The following SPG7 variants were observed in gnomAD, a reference collection of about 807,000 sequenced individuals.
The protein encoded by SPG7 is mitochondrial inner membrane m-AAA protease component paraplegin.
A neutral mutation model predicts 81.9 loss-of-function variants in SPG7; 103 were observed. The ratio of observed to expected loss-of-function variants is 1.26; its 90% CI spans 1.07 to 1.48. SPG7 has a LOEUF of 1.48. Among genes scored for constraint, SPG7 ranks in the 40% most tolerant of loss-of-function variants. SPG7 has a pLI of 0.00. For missense variants in SPG7, 1,241 were observed against 1,087.3 expected (o/e 1.14, Z -1.99); for synonymous variants, 534 against 444.2 (o/e 1.20, Z -2.54).
chr16:89,554,922 CTTTTTTTTTTT>C (rs1278105409), intron 16 of SPG7: 4 of 228,302 alleles, frequency 1.8e-5, no homozygotes, highest in Non-Finnish European at 3.5e-5. Context: ...ATTTTTTTTT[CTTTTTTTTTTT>C]GAGACAAAGT....
chr16:89,529,565 G>A lies in SPG7; in HGVS notation c.847G>A (p.Gly283Arg), dbSNP rs2058313221. The A allele has an allele frequency of 6.2e-7, 1 of 1,612,656 alleles. No homozygotes were observed. Among genetic ancestry groups the A allele is most frequent in the Non-Finnish European group, 8.5e-7 (1 of 1,178,706 alleles). The change falls in exon 6 of 17, where the codon GGA (glycine) becomes AGA (arginine). Residue 283 changes from glycine (G) to arginine (R), a missense_variant. Transcript: ENST00000645818. ...RLAGMTGREG[G>R]FSAFNQLKMA... The stretch of plus-strand genomic sequence containing the variant: ...GGCCGGGATGACTGGAAGGGAAGGT[G>A]GATTCAGTGCTTTTGTAAGTTCTGT...
intron 13 of SPG7, chr16:89,552,144 G>C (rs150778513): frequency 3.1e-3 from 466 of 152,262 alleles, no homozygotes; most frequent in Non-Finnish European, 5.9e-3. Context: ...CTGCAGCCTC[G>C]ACCTTCCGGG....
rs2058071450 is a variant in SPG7 at position 89,514,730 on chromosome 16, C to T, written c.376+1693C>T. Among the ~76,000 whole-genome samples the T allele has an allele frequency of 2.0e-5, 3 of 151,894 alleles. No individual in the cohort carries two copies. In the South Asian group the frequency reaches 6.2e-4, roughly 32 times the overall value. ...AGCCAGGATGGTCTCGATCTCCTGA[C>T]CTTGTGATCTGCTCACCTTGGCCTC... On this transcript the variant is annotated intron_variant, in intron 3 of 16. Coordinates refer to ENST00000645818, the MANE Select transcript of SPG7 (RefSeq NM_003119.4).
rs748220147 is a variant in SPG7 at position 89,550,619 on chromosome 16, G to A, written c.1779+10G>A. 3.1e-6 allele frequency: 5 copies of A among 1,593,604 alleles called. No homozygotes were observed. The highest frequency in any genetic ancestry group is 4.3e-6 in the Non-Finnish European group (5 of 1,162,630). ...GGAGGCCGTGATGAAGGTGGGTCTTGGCAGGTGCCGGCTCCACGGGCCTTG... is the reference window on the plus strand; with the variant it reads ...GGAGGCCGTGATGAAGGTGGGTCTTAGCAGGTGCCGGCTCCACGGGCCTTG... On this transcript the variant is annotated intron_variant, in intron 13 of 16. Coordinates refer to ENST00000645818, the MANE Select transcript of SPG7 (RefSeq NM_003119.4).
chr16:89,553,859 G>A lies in SPG7; in HGVS notation c.2002G>A (p.Ala668Thr). ...AYSMVKQFGM[A>T]PGIGPISFPE... The stretch of plus-strand genomic sequence containing the variant: ...CTCCATGGTGAAGCAGTTTGGGATG[G>A]CACCTGGCATCGGGCCCATCTCCTT... Residue 668 changes from alanine (A) to threonine (T), a missense_variant, in exon 15 of 17, where the codon GCA (alanine) becomes ACA (threonine). Ala to Thr is a moderately conservative substitution (Grantham distance 58). Coordinates refer to ENST00000645818, the MANE Select transcript of SPG7 (RefSeq NM_003119.4). 1.2e-6 allele frequency: 2 copies of A among 1,613,526 alleles called. No homozygotes were observed. Among genetic ancestry groups the A allele is most frequent in the East Asian group, 2.2e-5 (1 of 44,888 alleles).
At chr16:89,534,866 G>A (rs1448437627) in intron 9 of SPG7, among the ~76,000 whole-genome samples, 1 of 152,236 alleles carries the variant, frequency 6.6e-6, no homozygotes, top group Non-Finnish European at 1.5e-5. Flanking sequence ...CGATGTGGAT[G>A]TTTGGTCTCC....
At chr16:89,509,694 G>A (rs926379599) in intron 1 of SPG7, among the ~76,000 whole-genome samples, 1 of 152,134 alleles carries the variant, frequency 6.6e-6, no homozygotes, top group Non-Finnish European at 1.5e-5. Flanking sequence ...GGCAGCCACT[G>A]TGGCCTTTGG....
chr16:89,521,890 G>A (rs543301622), intron 3 of SPG7: 16 of 152,186 alleles, frequency 1.1e-4, no homozygotes, highest in Non-Finnish European at 2.4e-4. Flanking sequence ...AGTAGCTGCT[G>A]GGAAGTATTT....
intron 10 of SPG7, 77 bp from the exon 11 acceptor site, chr16:89,546,581 C>CG (rs1017935946): frequency 1.0e-5 from 10 of 968,040 alleles, no homozygotes; most frequent in African/African-American, 4.8e-5. Flanking sequence ...ACCCCCCCCC[C>CG]CCACAGACAA....
intron 6 of SPG7, chr16:89,529,818 C>T: frequency 1.7e-6 from 1 of 573,228 alleles, no homozygotes; most frequent in South Asian, 2.0e-5. Context: ...TGTGAGATTA[C>T]AGGGCAGTTG....
chr16:89,553,193 C>T lies in SPG7; in HGVS notation c.1936+58C>T. ...CAGAGCGCTTTTCCCTGCATGACTC[C>T]TTCTGTTCCAGTGCATGCCATGGGG... is the stretch of plus-strand genomic sequence containing the variant. On this transcript the variant is annotated intron_variant, in intron 14 of 16. Coordinates refer to ENST00000645818, the MANE Select transcript of SPG7 (RefSeq NM_003119.4). 8 of 1,512,944 alleles carry T rather than the reference C, an allele frequency of 5.3e-6. No individual in the cohort carries two copies. The South Asian group carries it at 9.6e-5, about 18-fold the overall frequency. The allele number at this position is 1,512,944 out of a possible 1,614,324, so 93.7% of individuals were successfully genotyped here. A position where few individuals can be genotyped will look rare whatever the true frequency, so the allele number is the denominator to read the frequency against.
chr16:89,537,375 GGGGAGCGTCGGCGCTGACCACACGC>G lies in SPG7; in HGVS notation c.1324+4746_1324+4770del, dbSNP rs563591530. On this transcript the variant is annotated intron_variant, in intron 9 of 16. Transcript: ENST00000645818. ...GGCTCCTGTGCTGGAAAGCGTTGAT[GGGGAGCGTCGGCGCTGACCACACGC>G]GGGAGCTGCGGAAGCCCAGCGGTTC... The G allele has an allele frequency of 5.0e-4, 562 of 1,123,846 alleles. 5 individuals are homozygous for G. The East Asian group carries it at 0.023, about 45-fold the overall frequency. The allele number at this position is 1,123,846 out of a possible 1,614,324, so 69.6% of individuals were successfully genotyped here.
At chr16:89,532,125 A>C in intron 8 of SPG7, 59 bp downstream of exon 8, 1 of 1,557,552 alleles carries the variant, frequency 6.4e-7, no homozygotes, top group Non-Finnish European at 8.8e-7. Context: ...CTCCTTTCAC[A>C]CATCCTTCCT....
intron 5 of SPG7, 92 bp from the exon 6 acceptor site, chr16:89,529,385 G>A (rs552230780): frequency 1.3e-5 from 11 of 818,322 alleles, no homozygotes; most frequent in African/African-American, 1.0e-4. Flanking sequence ...GTCTCATCTT[G>A]GAAACATTGC....
intron 2 of SPG7, 127 bp from the exon 3 acceptor site, chr16:89,512,821 T>C (rs745642292): frequency 8.0e-6 from 7 of 869,984 alleles, no homozygotes; most frequent in Non-Finnish European, 1.1e-5. Flanking sequence ...ATAAATCTTA[T>C]GGATATAAGT....
At chr16:89,515,110 G>T (rs2058078360) in intron 3 of SPG7, among the ~76,000 whole-genome samples, 1 of 147,624 alleles carries the variant, frequency 6.8e-6, no homozygotes, top group Admixed American at 6.8e-5. Context: ...CTCATTTTTT[G>T]TATTTTTAGT....
rs1252796156 is a variant in SPG7, at chr16:89,557,402, C to A, written c.*309C>A. 1 of 412,440 alleles carries A rather than the reference C, an allele frequency of 2.4e-6. No homozygotes were observed. The highest frequency in any genetic ancestry group is 4.5e-6 in the Non-Finnish European group (1 of 221,990). 25.5% of individuals were successfully genotyped at this position (412,440 alleles called of 1,614,324 possible). A position where few individuals can be genotyped will look rare whatever the true frequency, so the allele number is the denominator to read the frequency against. ...CAGTCGTTCCCAGTGTGGCTGAGGC[C>A]ACCCAGAGGCAGCAGAGCATTCAGA... On this transcript the variant is annotated 3_prime_UTR_variant, in exon 17 of 17. Transcript: ENST00000645818.
intron 5 of SPG7, among the ~76,000 whole-genome samples, chr16:89,527,611 G>A (rs2058281735): frequency 6.6e-6 from 1 of 152,202 alleles, no homozygotes; most frequent in African/African-American, 2.4e-5. Context: ...ACAGGAAGGT[G>A]AAATTCTCAT....
At chr16:89,525,446 G>T (rs2058247733) in intron 4 of SPG7, among the ~76,000 whole-genome samples, 1 of 152,178 alleles carries the variant, frequency 6.6e-6, no homozygotes, top group South Asian at 2.1e-4. Context: ...TAAAACAGCT[G>T]CCTTAAAGAG....
Sources: allele counts gnomAD v4.1 joint callset (sites outside exome capture counted in the v4.1 genomes callset), GRCh38; gene constraint gnomAD v4.1.1; transcripts MANE v1.5; gene names NCBI Gene and HGNC (gene_info 2026-07-23, HGNC 2026-07-21).